The following UBE3A variants were observed in gnomAD, a reference collection of about 807,000 sequenced individuals.
The protein encoded by UBE3A is ubiquitin-protein ligase E3A.
In UBE3A, 6 loss-of-function variants were observed where a neutral mutation model predicts 83.4. The observed-to-expected ratio is 0.07, with a 90% CI of 0.04 to 0.14. UBE3A has a LOEUF of 0.14. Ranked by LOEUF, UBE3A falls within the 10% of genes least tolerant of loss-of-function variation. UBE3A has a pLI of 1.00. For missense variants in UBE3A, 456 were observed against 1,036.1 expected (o/e 0.44, Z 7.69); for synonymous variants, 337 against 355.4 (o/e 0.95, Z 0.58).
At chr15:25,392,884 T>A (rs1213257597) in intron 4 of UBE3A, among the ~76,000 whole-genome samples, 5 of 152,152 alleles carry the variant, frequency 3.3e-5, no homozygotes, top group Non-Finnish European at 5.9e-5. Context: ...TGATAAGTAA[T>A]TCTTTTTTTA....
Position 25,337,380 on chromosome 15 carries a change from G to A in UBE3A, c.*1757C>T, listed in dbSNP as rs1195766586. 1 of 152,018 alleles carries A rather than the reference G, an allele frequency of 6.6e-6. No individual in the cohort carries two copies. The highest frequency in any genetic ancestry group is 1.9e-4 in the East Asian group (1 of 5,172). 9.4% of individuals were successfully genotyped at this position (152,018 alleles called of 1,614,324 possible). On this transcript the variant is annotated 3_prime_UTR_variant, in exon 13 of 13. Coordinates refer to ENST00000648336, the MANE Select transcript of UBE3A (RefSeq NM_130839.5). ...GTTGCACGAAGGTCCCTTTCATCAA[G>A]GTAGCGTATGTACCCTAACAGTGTT...
At chr15:25,435,130 C>A (rs569680748) in intron 1 of UBE3A, among the ~76,000 whole-genome samples, 1 of 150,682 alleles carries the variant, frequency 6.6e-6, no homozygotes, top group South Asian at 2.1e-4. Context: ...AAAAGTAAAT[C>A]TTTACAGTAG....
chr15:25,404,625 C>T (rs572457952), intron 4 of UBE3A, among the ~76,000 whole-genome samples: 6 of 152,186 alleles, frequency 3.9e-5, no homozygotes, highest in East Asian at 1.9e-4. Context: ...TACCACCACA[C>T]GTTTCTCTTC....
intron 11 of UBE3A, among the ~76,000 whole-genome samples, chr15:25,344,817 A>T (rs970620259): frequency 6.6e-6 from 1 of 151,974 alleles, no homozygotes; most frequent in East Asian, 1.9e-4. Flanking sequence ...GCAGATGGAA[A>T]TTTTTTTTCC....
intron 11 of UBE3A, chr15:25,345,589 C>CACAAAT (rs1491384958): frequency 6.7e-6 from 1 of 149,246 alleles, no homozygotes; most frequent in Non-Finnish European, 1.5e-5. Context: ...CACACACACA[C>CACAAAT]AAATAAATAA....
rs1405292586 is a variant in UBE3A at position 25,334,383 on chromosome 15, T to TA, written c.*4753dup. 6.6e-6 allele frequency: 1 copy of TA among 152,052 alleles called. No homozygotes were observed. The highest frequency in any genetic ancestry group is 1.5e-5 in the Non-Finnish European group (1 of 68,006). The allele number at this position is 152,052 out of a possible 1,614,324, so 9.4% of individuals were successfully genotyped here. On this transcript the variant is annotated 3_prime_UTR_variant, in exon 13 of 13. Coordinates refer to ENST00000648336, the MANE Select transcript of UBE3A (RefSeq NM_130839.5). ...GTCAAGACTTGCACACTGAAATCTC[T>TA]AAAACATCACTGAAATAAAGACCTA...
At chr15:25,396,426 T>A (rs1258198446) in intron 4 of UBE3A, among the ~76,000 whole-genome samples, 2 of 151,906 alleles carry the variant, frequency 1.3e-5, no homozygotes, top group Non-Finnish European at 2.9e-5. Context: ...GGCAACATAG[T>A]GAGACCCTGT....
Position 25,340,197 on chromosome 15 carries a change from C to T in UBE3A, c.2386G>A (p.Asp796Asn). The T allele has an allele frequency of 6.2e-7, 1 of 1,613,814 alleles. No individual in the cohort carries two copies. Among genetic ancestry groups the T allele is most frequent in the South Asian group, 1.1e-5 (1 of 91,074 alleles). ...EFWEIVHSFT[D>N]EQKRLFLQFT... ...TGCAAGAAGAGTCTTTTCTGTTCAT[C>T]TGTAAATGAATGAACGATTTCCCAG... Residue 796 changes from aspartate (D) to asparagine (N), a missense_variant, in exon 12 of 13, where the codon GAT becomes AAT. Around this residue, in one of 13 missense-constraint regions of UBE3A, gnomAD observed 82 missense variants for 199.3 expected, o/e 0.41. Transcript: ENST00000648336.
chr15:25,342,074 A>G (rs1009100410), intron 11 of UBE3A, among the ~76,000 whole-genome samples: 2 of 152,176 alleles, frequency 1.3e-5, no homozygotes, highest in African/African-American at 4.8e-5. Context: ...AGAAAACTGG[A>G]CATGAAACTT....
chr15:25,356,938 TATTA>T (rs1566899826), intron 7 of UBE3A, 42 bp from the exon 8 acceptor site: 1 of 1,487,014 alleles, frequency 6.7e-7, no homozygotes, highest in South Asian at 1.1e-5. Flanking sequence ...TTTTGTATTT[TATTA>T]AGGACTGATG....
rs1177346988 is a variant in UBE3A, at chr15:25,334,946, A to G, written c.*4191T>C. 2.8e-4 allele frequency: 42 copies of G among 152,202 alleles called. No homozygotes were observed. The highest frequency in any genetic ancestry group is 2.7e-3 in the Admixed American group (42 of 15,284). 9.4% of individuals were successfully genotyped at this position (152,202 alleles called of 1,614,324 possible). A position where few individuals can be genotyped will look rare whatever the true frequency, so the allele number is the denominator to read the frequency against. Reference sequence around the variant, plus strand: ...TCATTTAGGTGGCAACACTGACAAGATAACAGAAAGATGGAGGTAATAACA... The same window carrying G: ...TCATTTAGGTGGCAACACTGACAAGGTAACAGAAAGATGGAGGTAATAACA... On this transcript the variant is annotated 3_prime_UTR_variant, in exon 13 of 13. Coordinates refer to ENST00000648336, the MANE Select transcript of UBE3A (RefSeq NM_130839.5).
At position 25,383,887 on chromosome 15, in the gene UBE3A, A is replaced by G. The variant is rs575060709; in HGVS notation, c.63-8124T>C. On this transcript the variant is annotated intron_variant, in intron 4 of 12. Coordinates refer to ENST00000648336, the MANE Select transcript of UBE3A (RefSeq NM_130839.5). ...AGAAATGAAAGGTATTAAATGAGAA[A>G]AGTAAGAAGTAAAATTACTTCTGTT... Among the ~76,000 whole-genome samples the G allele has an allele frequency of 1.2e-4, 19 of 152,250 alleles. No individual in the cohort carries two copies. The South Asian group carries it at 3.9e-3, about 32-fold the overall frequency.
rs879536268 is a variant in UBE3A, at chr15:25,338,622, A to G, written c.*515T>C. The G allele has an allele frequency of 6.6e-6, 1 of 152,150 alleles. No individual in the cohort carries two copies. Among genetic ancestry groups the G allele is most frequent in the Non-Finnish European group, 1.5e-5 (1 of 68,020 alleles). The allele number at this position is 152,150 out of a possible 1,614,324, so 9.4% of individuals were successfully genotyped here. A position where few individuals can be genotyped will look rare whatever the true frequency, so the allele number is the denominator to read the frequency against. On this transcript the variant is annotated 3_prime_UTR_variant, in exon 13 of 13. Coordinates refer to ENST00000648336, the MANE Select transcript of UBE3A (RefSeq NM_130839.5). The stretch of plus-strand genomic sequence containing the variant: ...TTCAAGACTTCAAGTTTCAAAAGCA[A>G]ATCATTAAAAAAAATACAGTTCCTG...
chr15:25,392,063 A>T (rs993422930), intron 4 of UBE3A, among the ~76,000 whole-genome samples: 1 of 152,210 alleles, frequency 6.6e-6, no homozygotes, highest in Non-Finnish European at 1.5e-5. Context: ...ACAAAACCAG[A>T]AGGCATAAGC....
intron 6 of UBE3A, among the ~76,000 whole-genome samples, chr15:25,369,021 T>C (rs2079821889): frequency 1.3e-5 from 2 of 152,144 alleles, no homozygotes; most frequent in Admixed American, 6.5e-5. Flanking sequence ...GTATGTAGCT[T>C]TGGCATTTGC....
At chr15:25,424,284 G>C (rs1890686044) in intron 1 of UBE3A, among the ~76,000 whole-genome samples, 1 of 152,016 alleles carries the variant, frequency 6.6e-6, no homozygotes, top group African/African-American at 2.4e-5. Flanking sequence ...ACTACACTCT[G>C]CCTGAAATGC....
At chr15:25,381,944 C>A (rs1240423406) in intron 4 of UBE3A, among the ~76,000 whole-genome samples, 1 of 152,128 alleles carries the variant, frequency 6.6e-6, no homozygotes, top group Non-Finnish European at 1.5e-5. Flanking sequence ...AAATATAGAA[C>A]AAGACGATTT....
chr15:25,386,454 AAAC>A (rs1313925235), intron 4 of UBE3A, among the ~76,000 whole-genome samples: 1 of 152,240 alleles, frequency 6.6e-6, no homozygotes, highest in African/African-American at 2.4e-5. Flanking sequence ...CGAACTGAGT[AAAC>A]AACATGTTAA....
At position 25,409,050 on chromosome 15, in the gene UBE3A, G is replaced by T; in HGVS notation, c.20+38C>A. ...TACAGTATGTATTTCACTTTACAAT[G>T]ACAGCCTTTTAAAGGCTGTAAAATA... On this transcript the variant is annotated intron_variant, in intron 3 of 12. Transcript: ENST00000648336. The T allele has an allele frequency of 2.6e-6, 4 of 1,561,852 alleles. No homozygotes were observed. In the South Asian group the frequency reaches 3.5e-5, roughly 14 times the overall value.
Sources: allele counts gnomAD v4.1 joint callset (sites outside exome capture counted in the v4.1 genomes callset), GRCh38; gene constraint gnomAD v4.1.1; regional missense constraint gnomAD v4.1.1; transcripts MANE v1.5; gene names NCBI Gene and HGNC (gene_info 2026-07-23, HGNC 2026-07-21).